NPHP3: variants seen among roughly 807,000 people sequenced by gnomAD.
NPHP3 encodes nephrocystin-3.
Under a neutral mutation model 171.9 loss-of-function variants are expected in NPHP3, and 123 were observed. The ratio of observed to expected loss-of-function variants is 0.72; its 90% CI spans 0.62 to 0.83. The LOEUF (loss-of-function observed/expected upper bound fraction) is 0.83. Ranked by LOEUF, NPHP3 falls within the 40% of genes least tolerant of loss-of-function variation. The pLI is 0.00. For synonymous variants in NPHP3, 558 were observed against 579.2 expected, an observed-to-expected ratio of 0.96 and a Z score of 0.52; for missense variants, 1,506 against 1,591.9, an observed-to-expected ratio of 0.95 and a Z score of 0.92.
rs1231072468 is a variant in NPHP3, at chr3:132,715,124, A to G, written c.918T>C (p.Tyr306=). 3 of 1,612,682 alleles carry G rather than the reference A, an allele frequency of 1.9e-6. No individual in the cohort carries two copies. Among genetic ancestry groups the G allele is most frequent in the Non-Finnish European group, 2.5e-6 (3 of 1,178,814 alleles). ...CCATCTCAGGCTGGGTTTCATCTGT[A>G]TAAATGAGGTAACATCTGACAGTGT... ...WSNTVRCYLI[Y]TDETQPEMDL... is the part of the protein sequence containing the mutation. Residue 306 remains tyrosine, a synonymous_variant, in exon 5 of 27, where the codon TAT becomes TAC. Coordinates refer to ENST00000337331, the MANE Select transcript of NPHP3 (RefSeq NM_153240.5).
At position 132,722,162 on chromosome 3, in the gene NPHP3, C is replaced by A. The variant is rs763361874; in HGVS notation, c.194G>T (p.Gly65Val). Residue 65 changes from glycine to valine, a missense_variant, in exon 1 of 27, where the codon GGC becomes GTC. Gly to Val is a moderately radical substitution (Grantham distance 109). Coordinates refer to ENST00000337331, the MANE Select transcript of NPHP3 (RefSeq NM_153240.5). ...AGPGSLPRGV[G>V]AGGLLGASFK... ...GCTGGCCCCCAGCAGCCCGCCCGCG[C>A]CCACCCCGCGGGGCAGCGACCCGGG... 15 of 1,578,988 alleles carry A rather than the reference C, an allele frequency of 9.5e-6. No homozygotes were observed. The highest frequency in any genetic ancestry group is 1.4e-5 in the African/African-American group (1 of 72,966).
Position 132,688,897 on chromosome 3 carries a change from G to T in NPHP3, c.2884-6C>A. 1 of 1,614,056 alleles carries T rather than the reference G, an allele frequency of 6.2e-7. No individual in the cohort carries two copies. The highest frequency in any genetic ancestry group is 1.1e-5 in the South Asian group (1 of 91,080). ...CTCTGCAAAGGTACTATGGCCTGGG[G>T]GGAAAAGGGGTGAAAGGCCAGTTAA... On this transcript the variant is annotated splice_region_variant and splice_polypyrimidine_tract_variant and intron_variant, in intron 20 of 26. Coordinates refer to ENST00000337331, the MANE Select transcript of NPHP3 (RefSeq NM_153240.5).
In NPHP3 at chr3:132,687,131, CAAAAG is replaced by C; in HGVS notation, c.3201+15_3201+19del. 8.0e-7 allele frequency: 1 copy of C among 1,247,312 alleles called. No homozygotes were observed. The highest frequency in any genetic ancestry group is 1.2e-6 in the Non-Finnish European group (1 of 848,748). 77.3% of individuals were successfully genotyped at this position (1,247,312 alleles called of 1,614,324 possible). ...TTCCTCTTACGTTCAAAACACAACA[CAAAAG>C]AAATCTCTCCTTACCAAGTTGCCTT... On this transcript the variant is annotated intron_variant, in intron 22 of 26. Coordinates refer to ENST00000337331, the MANE Select transcript of NPHP3 (RefSeq NM_153240.5).
intron 15 of NPHP3, 65 bp from the exon 16 acceptor site, chr3:132,695,030 C>G: frequency 6.6e-7 from 1 of 1,506,192 alleles, no homozygotes. Context: ...ATTTTGAGAT[C>G]GATTAAAAAC....
chr3:132,711,880 C>T lies in NPHP3; in HGVS notation c.1118+1246G>A, dbSNP rs75464931. On this transcript the variant is annotated intron_variant, in intron 6 of 26. Transcript: ENST00000337331. Reference sequence around the variant, plus strand: ...TGAAGGCTCATTGACCAGGTAGTTCCCTGTTCACCCGGCCACTAGGCAAAG... The same window carrying T: ...TGAAGGCTCATTGACCAGGTAGTTCTCTGTTCACCCGGCCACTAGGCAAAG... Among the ~76,000 whole-genome samples the T allele has an allele frequency of 9.0e-3, 1,372 of 152,276 alleles. 30 individuals are homozygous for T. The highest frequency in any genetic ancestry group is 0.03 in the African/African-American group (1,264 of 41,550).
chr3:132,708,323 C>A, intron 6 of NPHP3, 66 bp from the exon 7 acceptor site: 2 of 1,475,324 alleles, frequency 1.4e-6, no homozygotes, highest in Non-Finnish European at 1.9e-6. Context: ...AGTTAATCAA[C>A]CTAAGTGCCA....
At chr3:132,690,342 T>C (rs927860918) in intron 19 of NPHP3, among the ~76,000 whole-genome samples, 186 bp downstream of exon 19, 1 of 152,212 alleles carries the variant, frequency 6.6e-6, no homozygotes, top group Non-Finnish European at 1.5e-5. Context: ...AGCAGTACTC[T>C]ATGTTTTCCT....
chr3:132,711,469 G>A (rs1004619499), intron 6 of NPHP3, among the ~76,000 whole-genome samples: 5 of 151,698 alleles, frequency 3.3e-5, no homozygotes, highest in Non-Finnish European at 1.5e-5. Flanking sequence ...AAATAAATGG[G>A]GAGGAAAACA....
chr3:132,699,284 T>G (rs956471653), intron 13 of NPHP3, 69 bp downstream of exon 13: 8 of 1,110,374 alleles, frequency 7.2e-6, no homozygotes, highest in Non-Finnish European at 1.1e-5. Context: ...AAATGCATAT[T>G]AAAAATCTTT....
At chr3:132,702,745 A>G (rs1366116273) in intron 9 of NPHP3, among the ~76,000 whole-genome samples, 1 of 152,228 alleles carries the variant, frequency 6.6e-6, no homozygotes, top group African/African-American at 2.4e-5. Context: ...GAAAAATTAT[A>G]TCTCTAAAGA....
At chr3:132,720,848 C>A (rs1940192467) in intron 1 of NPHP3, among the ~76,000 whole-genome samples, 1 of 152,036 alleles carries the variant, frequency 6.6e-6, no homozygotes, top group Non-Finnish European at 1.5e-5. Context: ...ACAACAACGA[C>A]CAGAGGGGCC....
rs373627362 is a variant in NPHP3, at chr3:132,700,028, T to A, written c.1777A>T (p.Thr593Ser). 9.9e-6 allele frequency: 16 copies of A among 1,614,014 alleles called. No individual in the cohort carries two copies. The highest frequency in any genetic ancestry group is 1.3e-5 in the Non-Finnish European group (15 of 1,180,000). ...MQHSWSVSALTLDPAKLLEEF... is the reference protein window; with the variant it reads ...MQHSWSVSALSLDPAKLLEEF... ...TCCAGAAGCTTAGCAGGATCCAGTG[T>A]CAGAGCAGAGACTGACCAAGAGTGC... The change falls in exon 12 of 27, where the codon ACA becomes TCA. Residue 593 changes from threonine (T) to serine (S), a missense_variant. By Grantham distance (58) the Thr-to-Ser change is moderately conservative (BLOSUM62 1). This residue lies in a region of NPHP3 where 930 missense variants were observed against 924.9 expected (regional missense o/e 1.01). Transcript: ENST00000337331.
rs775281384 is a variant in NPHP3 at position 132,682,758 on chromosome 3, G to T, written c.3757C>A (p.Leu1253Met). 12 of 1,613,478 alleles carry T rather than the reference G, an allele frequency of 7.4e-6. No homozygotes were observed. Among genetic ancestry groups the T allele is most frequent in the Non-Finnish European group, 1.0e-5 (12 of 1,179,616 alleles). Reference protein sequence around the residue: ...ERALKIYEDSLGRMHPRVGET... With the variant: ...ERALKIYEDSMGRMHPRVGET... Reference sequence around the variant, plus strand: ...CCAACTCGAGGATGCATCCGACCCAGGCTATCTTCATAAATCTTTAATGCT... The same window carrying T: ...CCAACTCGAGGATGCATCCGACCCATGCTATCTTCATAAATCTTTAATGCT... The change falls in exon 26 of 27, where the codon CTG (leucine) becomes ATG (methionine). Residue 1253 changes from leucine (L) to methionine (M), a missense_variant. Around this residue, in one of 3 missense-constraint regions of NPHP3, gnomAD observed 569 missense variants for 648.1 expected, o/e 0.88. Transcript: ENST00000337331.
intron 13 of NPHP3, 25 bp from the exon 14 acceptor site, chr3:132,697,387 G>A: frequency 2.0e-6 from 3 of 1,463,920 alleles, no homozygotes; most frequent in Non-Finnish European, 2.9e-6. Context: ...AAAGAAAAAT[G>A]AAATTTTAAT....
intron 10 of NPHP3, among the ~76,000 whole-genome samples, chr3:132,701,018 T>C (rs1447574220): frequency 6.6e-6 from 1 of 152,216 alleles, no homozygotes; most frequent in Non-Finnish European, 1.5e-5. Flanking sequence ...GTAGAATGTA[T>C]TTCACTCTAA....
At chr3:132,700,263 G>A (rs1430125236) in intron 11 of NPHP3, 71 bp downstream of exon 11, 3 of 1,251,826 alleles carry the variant, frequency 2.4e-6, no homozygotes, top group Non-Finnish European at 3.5e-6. Flanking sequence ...TTTACCAGTA[G>A]GTACTTATTA....
chr3:132,686,044 G>A (rs560631864), intron 23 of NPHP3: 13 of 461,414 alleles, frequency 2.8e-5, no homozygotes, highest in South Asian at 6.3e-5. Flanking sequence ...GCGAGACTCC[G>A]TCTCAAAAAA....
chr3:132,711,261 G>C (rs911999656), intron 6 of NPHP3, among the ~76,000 whole-genome samples: 2 of 151,878 alleles, frequency 1.3e-5, no homozygotes, highest in Admixed American at 6.6e-5. Flanking sequence ...AGGCATGAAA[G>C]AAACAAATAA....
At chr3:132,714,554 C>A (rs545923431) in intron 5 of NPHP3, among the ~76,000 whole-genome samples, 246 of 120,956 alleles carry the variant, frequency 2.0e-3, no homozygotes, top group Admixed American at 4.4e-3. Flanking sequence ...ACTTTCTCTG[C>A]AAAAAAAAAA....
Sources: allele counts gnomAD v4.1 joint callset (sites outside exome capture counted in the v4.1 genomes callset), GRCh38; gene constraint gnomAD v4.1.1; regional missense constraint gnomAD v4.1.1; transcripts MANE v1.5; gene names NCBI Gene and HGNC (gene_info 2026-07-23, HGNC 2026-07-21).